The following KATNBL1 variants were observed in gnomAD, a reference collection of about 807,000 sequenced individuals.
KATNBL1 encodes the protein KATNB1-like protein 1.
Under a neutral mutation model 44.7 loss-of-function variants are expected in KATNBL1, and 28 were observed. That is an observed-to-expected ratio of 0.63 (90% CI 0.46 to 0.86). The LOEUF is 0.86. KATNBL1 is among the 40% of genes least tolerant of loss of function. The probability of loss-of-function intolerance (pLI) is 0.00; values close to 1 mark genes in which losing one functional copy is unlikely to be tolerated. For missense variants in KATNBL1, 272 were observed against 350.7 expected (o/e 0.78, Z 1.79); for synonymous variants, 78 against 114.9 (o/e 0.68, Z 2.06).
At chr15:34,146,593 A>G in intron 8 of KATNBL1, 168 bp downstream of exon 8, 1 of 548,670 alleles carries the variant, frequency 1.8e-6, no homozygotes, top group Non-Finnish European at 3.3e-6. Flanking sequence ...TTCAATTTCC[A>G]GGTGTGGTTT....
intron 1 of KATNBL1, among the ~76,000 whole-genome samples, chr15:34,190,100 A>G (rs1889831175): frequency 6.6e-6 from 1 of 152,012 alleles, no homozygotes; most frequent in Admixed American, 6.6e-5. Flanking sequence ...GCCCGCCACC[A>G]CACCTGGCTA....
intron 1 of KATNBL1, among the ~76,000 whole-genome samples, chr15:34,193,220 AAAAAAAAAAAAAAAAC>A (rs1276946665): frequency 7.5e-6 from 1 of 132,832 alleles, no homozygotes; most frequent in Non-Finnish European, 1.7e-5. Flanking sequence ...CCGTCTCAAA[AAAAAAAAAAAAAAAAC>A]AAAAAAAAAA....
rs551793295 is a variant in KATNBL1, at chr15:34,207,342, G to A, written c.-15+2609C>T. Among the ~76,000 whole-genome samples, 3 of 152,162 alleles carry A rather than the reference G, an allele frequency of 2.0e-5. No individual in the cohort carries two copies. In the South Asian group the frequency reaches 6.2e-4, roughly 32 times the overall value. The stretch of plus-strand genomic sequence containing the variant: ...TCCTGCCTCAGCCTCCCAAGTAGCT[G>A]GAACTACAGGCGTGTGACACCACGC... On this transcript the variant is annotated intron_variant, in intron 1 of 9. Transcript: ENST00000256544.
At chr15:34,154,065 T>A (rs1038425468) in intron 3 of KATNBL1, among the ~76,000 whole-genome samples, 2 of 152,190 alleles carry the variant, frequency 1.3e-5, no homozygotes, top group Non-Finnish European at 2.9e-5. Flanking sequence ...ATCTCTAATA[T>A]CTGGTTTAAC....
At chr15:34,156,822 T>C (rs913552897) in intron 2 of KATNBL1, among the ~76,000 whole-genome samples, 1 of 152,220 alleles carries the variant, frequency 6.6e-6, no homozygotes, top group Non-Finnish European at 1.5e-5. Context: ...CTGATTTAGC[T>C]GACAGTTAGG....
At chr15:34,166,723 T>C (rs1888988660) in intron 1 of KATNBL1, among the ~76,000 whole-genome samples, 1 of 152,180 alleles carries the variant, frequency 6.6e-6, no homozygotes, top group African/African-American at 2.4e-5. Flanking sequence ...GGTTCCCCTC[T>C]GGAATGAAGC....
chr15:34,153,264 G>A (rs1055826761), intron 3 of KATNBL1, among the ~76,000 whole-genome samples, 195 bp from the exon 4 acceptor site: 28 of 152,194 alleles, frequency 1.8e-4, no homozygotes, highest in African/African-American at 6.8e-4. Flanking sequence ...GGAAGACAAT[G>A]TAAAGGATGA....
At position 34,146,847 on chromosome 15, in the gene KATNBL1, A is replaced by G. The variant is rs756081866; in HGVS notation, c.702T>C (p.Tyr234=). The G allele has an allele frequency of 1.3e-5, 20 of 1,577,878 alleles. No homozygotes were observed. Among genetic ancestry groups the G allele is most frequent in the Middle Eastern group, 1.7e-4 (1 of 6,030 alleles). The part of the protein sequence containing the change: ...KSLLKSKFEE[Y]VIVGLNWLQA... ...GAAGCCAGTTTAAACCAACTATAAC[A>G]TATCTGAAATGACATTTTGTTACAA... The change falls in exon 8 of 10, where the codon TAT becomes TAC. Residue 234 remains tyrosine (Y), a synonymous_variant. Coordinates refer to ENST00000256544, the MANE Select transcript of KATNBL1 (RefSeq NM_024713.3).
chr15:34,203,846 C>T (rs1890227650), intron 1 of KATNBL1, among the ~76,000 whole-genome samples: 1 of 149,990 alleles, frequency 6.7e-6, no homozygotes, highest in Non-Finnish European at 1.5e-5. Flanking sequence ...CACATGGATA[C>T]AGGGAGGGGA....
chr15:34,202,633 A>T (rs370865531), intron 1 of KATNBL1, among the ~76,000 whole-genome samples: 2 of 152,184 alleles, frequency 1.3e-5, no homozygotes, highest in Admixed American at 1.3e-4. Context: ...CAGGCTCAAG[A>T]AAATATGACT....
At chr15:34,206,949 T>C (rs1890309694) in intron 1 of KATNBL1, among the ~76,000 whole-genome samples, 1 of 152,084 alleles carries the variant, frequency 6.6e-6, no homozygotes, top group African/African-American at 2.4e-5. Flanking sequence ...TTAACTAACA[T>C]GGATCAACAA....
Position 34,142,346 on chromosome 15 carries a change from A to C in KATNBL1, c.908T>G (p.Leu303Ter). ...AKDVDAYLLQ[L>*]H is the part of the protein sequence containing the mutation. ...TTTAGTAGATGAAATCTCTCAATGT[A>C]ACTGTAATAAATAAGCATCTACATC... The change falls in exon 10 of 10, where the codon TTA becomes TGA. Residue 303 changes from leucine (L) to a stop codon, truncating the protein, a stop_gained. Transcript: ENST00000256544. LOFTEE classifies it high-confidence loss of function. The C allele has an allele frequency of 6.3e-7, 1 of 1,596,740 alleles. No individual in the cohort carries two copies. The highest frequency in any genetic ancestry group is 2.3e-5 in the East Asian group (1 of 44,416).
At chr15:34,169,478 C>T (rs1889090984) in intron 1 of KATNBL1, among the ~76,000 whole-genome samples, 2 of 152,198 alleles carry the variant, frequency 1.3e-5, no homozygotes, top group Admixed American at 1.3e-4. Flanking sequence ...AGTCCAGGAC[C>T]AAACAGATTC....
intron 1 of KATNBL1, among the ~76,000 whole-genome samples, chr15:34,167,188 CA>C (rs1327149841): frequency 6.6e-6 from 1 of 152,002 alleles, no homozygotes; most frequent in Non-Finnish European, 1.5e-5. Context: ...GCAAGGAAGC[CA>C]AAAACCTTGA....
At chr15:34,181,592 A>ATC (rs776036644) in intron 1 of KATNBL1, among the ~76,000 whole-genome samples, 494 of 48,970 alleles carry the variant, frequency 0.01, 13 homozygotes, top group Non-Finnish European at 0.016. Context: ...ACATATATAT[A>ATC]CACATATATA....
intron 1 of KATNBL1, among the ~76,000 whole-genome samples, chr15:34,166,765 C>T (rs907167701): frequency 6.6e-6 from 1 of 152,204 alleles, no homozygotes; most frequent in Non-Finnish European, 1.5e-5. Flanking sequence ...GCAATATTTG[C>T]TGTTCTGCAG....
intron 1 of KATNBL1, chr15:34,166,248 C>T (rs2118159): frequency 0.12 from 18,497 of 152,374 alleles, 1,236 homozygotes; most frequent in Non-Finnish European, 0.15. Flanking sequence ...CTGCACTTTT[C>T]CAATGGTCTT....
intron 1 of KATNBL1, chr15:34,208,408 T>TA (rs1227938560): frequency 6.6e-6 from 1 of 152,276 alleles, no homozygotes; most frequent in Non-Finnish European, 1.5e-5. Flanking sequence ...TAGATAAGTA[T>TA]AAACTGCTGA....
intron 1 of KATNBL1, among the ~76,000 whole-genome samples, chr15:34,191,722 C>A (rs1438733176): frequency 6.6e-6 from 1 of 150,890 alleles, no homozygotes; most frequent in Non-Finnish European, 1.5e-5. Context: ...CCGAGGTGGG[C>A]GGATCACGAG....
Sources: gnomAD v4.1 joint callset for allele counts (sites outside exome capture counted in the v4.1 genomes callset) on GRCh38, gnomAD v4.1.1 for gene constraint, MANE v1.5 for transcripts, NCBI Gene and HGNC (gene_info 2026-07-23, HGNC 2026-07-21) for gene names.